Variants in SUGCT observed in about 807,000 individuals in gnomAD.
SUGCT encodes succinyl-CoA:glutarate CoA-transferase.
A neutral mutation model predicts 55.0 loss-of-function variants in SUGCT; 41 were observed. The ratio of observed to expected loss-of-function variants is 0.74; its 90% CI spans 0.58 to 0.97. SUGCT has a LOEUF of 0.97. SUGCT is among the 50% of genes least tolerant of loss of function. The probability of loss-of-function intolerance (pLI) is 0.00; values close to 1 mark genes in which losing one functional copy is unlikely to be tolerated. For missense variants in SUGCT, 568 were observed against 547.8 expected, an observed-to-expected ratio of 1.04 and a Z score of -0.37; for synonymous variants, 187 against 200.4, an observed-to-expected ratio of 0.93 and a Z score of 0.56.
At chr7:40,232,751 G>T (rs61003774) in intron 6 of SUGCT, among the ~76,000 whole-genome samples, 66,354 of 151,884 alleles carry the variant, frequency 0.44, 14,804 homozygotes, top group African/African-American at 0.53. Context: ...TCCTTAAAAT[G>T]AATGTGAATT....
At chr7:40,943,549 C>T in the SUGCT span, among the ~76,000 whole-genome samples, 18 of 148,348 alleles carry the variant, frequency 1.2e-4, no homozygotes, top group African/African-American at 3.5e-4. Context: ...TTTGTCCTTG[C>T]GATAGTTTAC....
At chr7:40,835,890 C>CTTTTTTTTTTTTTTTT (rs1011199588) in intron 13 of SUGCT, among the ~76,000 whole-genome samples, 1 of 136,078 alleles carries the variant, frequency 7.3e-6, no homozygotes, top group Non-Finnish European at 1.6e-5. Flanking sequence ...TCTTTTTTTT[C>CTTTTTTTTTTTTTTTT]TTTTTTTTTT....
At chr7:40,947,835 A>G in the SUGCT span, among the ~76,000 whole-genome samples, 13 of 152,344 alleles carry the variant, frequency 8.5e-5, no homozygotes, top group East Asian at 2.1e-3. Context: ...GATATCTTCA[A>G]TGCTCAAGCA....
At chr7:40,628,446 G>T (rs1462239667) in intron 12 of SUGCT, among the ~76,000 whole-genome samples, 4 of 152,194 alleles carry the variant, frequency 2.6e-5, no homozygotes, top group Non-Finnish European at 5.9e-5. Context: ...TCAGTAATCA[G>T]AGTATGCCAT....
chr7:40,439,513 A>G (rs1451528883), intron 9 of SUGCT, among the ~76,000 whole-genome samples: 1 of 152,116 alleles, frequency 6.6e-6, no homozygotes, highest in Admixed American at 6.6e-5. Context: ...ACTTTAGTCT[A>G]TGTCTGGATA....
chr7:40,614,417 G>T (rs1450886949), intron 12 of SUGCT, among the ~76,000 whole-genome samples: 1 of 152,162 alleles, frequency 6.6e-6, no homozygotes, highest in East Asian at 1.9e-4. Context: ...CAATGTAGGT[G>T]TCTGTCTCCA....
chr7:40,747,829 C>T (rs1190383993), intron 12 of SUGCT, among the ~76,000 whole-genome samples: 1 of 151,902 alleles, frequency 6.6e-6, no homozygotes, highest in Non-Finnish European at 1.5e-5. Flanking sequence ...ATTTGCGTAT[C>T]ACAAAACATT....
chr7:40,677,102 A>G (rs6952969), intron 12 of SUGCT, among the ~76,000 whole-genome samples: 49,905 of 152,026 alleles, frequency 0.33, 9,870 homozygotes, highest in African/African-American at 0.56. Context: ...TTATCATTGC[A>G]CAGCCTGCAT....
intron 8 of SUGCT, among the ~76,000 whole-genome samples, chr7:40,275,671 T>G (rs1022453684): frequency 2.6e-5 from 4 of 152,174 alleles, no homozygotes; most frequent in African/African-American, 9.7e-5. Context: ...ATTTTAGAGG[T>G]GATGAAAATA....
At chr7:40,768,787 T>A (rs2128725967) in intron 13 of SUGCT, among the ~76,000 whole-genome samples, 1 of 152,320 alleles carries the variant, frequency 6.6e-6, no homozygotes, top group South Asian at 2.1e-4. Flanking sequence ...ATGCCATTCC[T>A]TTTTCTTGTA....
At chr7:40,495,554 T>C (rs903223304) in intron 11 of SUGCT, among the ~76,000 whole-genome samples, 1 of 152,202 alleles carries the variant, frequency 6.6e-6, no homozygotes, top group Non-Finnish European at 1.5e-5. Flanking sequence ...ATTTCTGTGT[T>C]CACTGTTTTT....
intron 8 of SUGCT, among the ~76,000 whole-genome samples, chr7:40,282,859 C>T (rs545788654): frequency 6.6e-6 from 1 of 152,166 alleles, no homozygotes; most frequent in South Asian, 2.1e-4. Flanking sequence ...GAGCGAGACC[C>T]TATCTCTAAA....
At chr7:40,142,245 G>T (rs1327239728) in intron 1 of SUGCT, among the ~76,000 whole-genome samples, 1 of 152,156 alleles carries the variant, frequency 6.6e-6, no homozygotes, top group Non-Finnish European at 1.5e-5. Flanking sequence ...ATTGAAAAAG[G>T]TTGCTTTACC....
intron 12 of SUGCT, among the ~76,000 whole-genome samples, chr7:40,690,395 G>A (rs561753325): frequency 2.6e-5 from 4 of 152,096 alleles, no homozygotes; most frequent in East Asian, 1.9e-4. Flanking sequence ...ATTATCTTTC[G>A]TAAGCACTTA....
the SUGCT span, among the ~76,000 whole-genome samples, chr7:40,886,803 C>A: frequency 1.3e-5 from 2 of 152,146 alleles, no homozygotes; most frequent in African/African-American, 4.8e-5. Context: ...TATTTCTACC[C>A]CTGTAATTCA....
At chr7:40,915,429 G>A in the SUGCT span, among the ~76,000 whole-genome samples, 1 of 152,144 alleles carries the variant, frequency 6.6e-6, no homozygotes, top group Admixed American at 6.5e-5. Flanking sequence ...CAATTCATAG[G>A]AGGAATTGTC....
At chr7:40,899,069 A>AC in the SUGCT span, among the ~76,000 whole-genome samples, 15 of 152,050 alleles carry the variant, frequency 9.9e-5, no homozygotes, top group Middle Eastern at 6.8e-3. Context: ...CTCTTGTAGA[A>AC]CCCCCCAGAG....
At chr7:40,556,481 A>G (rs987964052) in intron 12 of SUGCT, among the ~76,000 whole-genome samples, 2 of 152,302 alleles carry the variant, frequency 1.3e-5, no homozygotes, top group Non-Finnish European at 1.5e-5. Context: ...CACTTCACTA[A>G]TGAATCACCT....
chr7:40,273,198 G>A (rs961955137), intron 7 of SUGCT, among the ~76,000 whole-genome samples: 4 of 151,982 alleles, frequency 2.6e-5, no homozygotes, highest in African/African-American at 4.8e-5. Context: ...TGGCAATATC[G>A]TCCTTGAAAT....
Sources: gnomAD v4.1 joint callset for allele counts (sites outside exome capture counted in the v4.1 genomes callset) on GRCh38, gnomAD v4.1.1 for gene constraint, MANE v1.5 for transcripts, NCBI Gene and HGNC (gene_info 2026-07-23, HGNC 2026-07-21) for gene names.